RBFOX1: variants seen among roughly 807,000 people sequenced by gnomAD.
RBFOX1 encodes RNA binding fox-1 homolog 1.
Under a neutral mutation model 57.7 loss-of-function variants are expected in RBFOX1, and 8 were observed. That is an observed-to-expected ratio of 0.14 (90% CI 0.08 to 0.25). RBFOX1 has a LOEUF of 0.25. RBFOX1 is among the 10% of genes least tolerant of loss of function. The pLI, the probability that RBFOX1 is intolerant of heterozygous loss-of-function variation, is 1.00. For synonymous variants in RBFOX1, 326 were observed against 222.4 expected (o/e 1.47, Z -4.15); for missense variants, 611 against 548.5 (o/e 1.11, Z -1.14).
chr16:6,738,131 G>A (rs985316235), intron 3 of RBFOX1, among the ~76,000 whole-genome samples: 17 of 151,268 alleles, frequency 1.1e-4, no homozygotes, highest in Non-Finnish European at 2.4e-4. Flanking sequence ...GTGTAATAGG[G>A]ACCAGATGTA....
chr16:6,216,491 G>A (rs774307451), intron 1 of RBFOX1, among the ~76,000 whole-genome samples: 4 of 152,182 alleles, frequency 2.6e-5, no homozygotes, highest in African/African-American at 9.7e-5. Flanking sequence ...GCTGAAGAGA[G>A]TGACCCTCTG....
intron 2 of RBFOX1, among the ~76,000 whole-genome samples, chr16:6,628,220 C>G (rs568219077): frequency 6.6e-6 from 1 of 152,322 alleles, no homozygotes; most frequent in Admixed American, 6.5e-5. Context: ...GGGTTAGCAT[C>G]TTAGGAATGT....
At chr16:6,063,041 G>T (rs1460931302) in intron 1 of RBFOX1, among the ~76,000 whole-genome samples, 1 of 152,174 alleles carries the variant, frequency 6.6e-6, no homozygotes, top group African/African-American at 2.4e-5. Context: ...CTGACATACA[G>T]TCAGCTGTGA....
intron 3 of RBFOX1, among the ~76,000 whole-genome samples, chr16:5,618,697 C>T (rs907660098): frequency 1.3e-5 from 2 of 152,196 alleles, no homozygotes; most frequent in African/African-American, 4.8e-5. Context: ...GAAAGAAATG[C>T]CCATGAACAC....
At chr16:6,124,803 C>T (rs904062602) in intron 1 of RBFOX1, among the ~76,000 whole-genome samples, 10 of 152,144 alleles carry the variant, frequency 6.6e-5, no homozygotes, top group African/African-American at 2.4e-4. Context: ...GGTAGGATTA[C>T]AGGCATGAGT....
At chr16:7,434,387 G>C (rs889044019) in intron 4 of RBFOX1, among the ~76,000 whole-genome samples, 2 of 152,040 alleles carry the variant, frequency 1.3e-5, no homozygotes, top group East Asian at 3.9e-4. Context: ...CAGGAGAATG[G>C]CATCAACCCG....
intron 3 of RBFOX1, among the ~76,000 whole-genome samples, chr16:6,992,002 C>T (rs933266720): frequency 2.6e-5 from 4 of 152,090 alleles, no homozygotes; most frequent in African/African-American, 9.7e-5. Flanking sequence ...GAAGCTGGTG[C>T]TATGAAAACT....
chr16:5,878,358 T>C (rs992428527), intron 4 of RBFOX1, among the ~76,000 whole-genome samples: 1 of 152,154 alleles, frequency 6.6e-6, no homozygotes, highest in Non-Finnish European at 1.5e-5. Context: ...CCAATGAACT[T>C]AGGAGAATGA....
chr16:6,010,574 G>A (rs776203372), intron 4 of RBFOX1, among the ~76,000 whole-genome samples: 28 of 152,128 alleles, frequency 1.8e-4, no homozygotes, highest in Non-Finnish European at 3.4e-4. Flanking sequence ...TCTCATGGTC[G>A]ACTTCTGGAG....
intron 4 of RBFOX1, among the ~76,000 whole-genome samples, chr16:5,960,221 A>G (rs1311871408): frequency 1.3e-5 from 2 of 152,180 alleles, no homozygotes; most frequent in African/African-American, 2.4e-5. Context: ...AAGAAAGAAA[A>G]AAAGAATAAG....
chr16:7,035,889 C>CAG (rs2044257529), intron 3 of RBFOX1, among the ~76,000 whole-genome samples: 1 of 152,014 alleles, frequency 6.6e-6, no homozygotes, highest in East Asian at 1.9e-4. Flanking sequence ...CACAGACACA[C>CAG]ACACACACAC....
intron 1 of RBFOX1, among the ~76,000 whole-genome samples, chr16:6,247,772 C>CAG (rs2097577293): frequency 6.6e-6 from 1 of 152,156 alleles, no homozygotes; most frequent in Admixed American, 6.5e-5. Context: ...AATTACTCTA[C>CAG]AGAGAGAGAG....
chr16:6,589,174 A>C (rs770628495), intron 2 of RBFOX1, among the ~76,000 whole-genome samples: 2 of 152,204 alleles, frequency 1.3e-5, no homozygotes, highest in Non-Finnish European at 2.9e-5. Flanking sequence ...TACCACTGCC[A>C]GAAAAGAAAC....
intron 3 of RBFOX1, among the ~76,000 whole-genome samples, chr16:5,821,562 C>A (rs945919533): frequency 3.9e-5 from 6 of 152,112 alleles, no homozygotes; most frequent in African/African-American, 1.4e-4. Context: ...TTTGGCCTCC[C>A]AAAATGCTGG....
At chr16:6,372,834 TG>T (rs1465378084) in intron 2 of RBFOX1, among the ~76,000 whole-genome samples, 1 of 150,080 alleles carries the variant, frequency 6.7e-6, no homozygotes, top group Non-Finnish European at 1.5e-5. Context: ...GGAGGATGGT[TG>T]GTTAGGATCT....
At chr16:6,509,586 A>G (rs943672535) in intron 2 of RBFOX1, among the ~76,000 whole-genome samples, 5 of 152,220 alleles carry the variant, frequency 3.3e-5, no homozygotes, top group Non-Finnish European at 5.9e-5. Flanking sequence ...GGAACAAAAC[A>G]TAGTTAAAAA....
intron 4 of RBFOX1, among the ~76,000 whole-genome samples, chr16:7,134,218 C>T (rs768205556): frequency 2.3e-4 from 35 of 151,986 alleles, no homozygotes; most frequent in Non-Finnish European, 4.6e-4. Flanking sequence ...GAGATTTTTG[C>T]CATTTGGATG....
chr16:6,778,624 A>G (rs1399146986), intron 3 of RBFOX1, among the ~76,000 whole-genome samples: 2 of 152,162 alleles, frequency 1.3e-5, no homozygotes, highest in Non-Finnish European at 1.5e-5. Flanking sequence ...CAATTAGTTA[A>G]TATGGCTAGA....
At chr16:6,553,802 A>T (rs992995954) in intron 2 of RBFOX1, among the ~76,000 whole-genome samples, 1 of 152,154 alleles carries the variant, frequency 6.6e-6, no homozygotes, top group Non-Finnish European at 1.5e-5. Flanking sequence ...GGTAGAAGGA[A>T]TTTCATGGAG....
Sources: allele counts gnomAD v4.1 joint callset (sites outside exome capture counted in the v4.1 genomes callset), GRCh38; gene constraint gnomAD v4.1.1; transcripts MANE v1.5; gene names NCBI Gene and HGNC (gene_info 2026-07-23, HGNC 2026-07-21).